Variants in KHDC1 observed in about 807,000 individuals in gnomAD.
KHDC1 encodes the protein KH homology domain-containing protein 1.
In KHDC1, 21 loss-of-function variants were observed where a neutral mutation model predicts 24.7. That is an observed-to-expected ratio of 0.85 (90% CI 0.60 to 1.23). KHDC1 has a LOEUF of 1.23. Ranked by LOEUF, KHDC1 falls within the 50% of genes most tolerant of loss-of-function variation. The probability of loss-of-function intolerance (pLI) is 0.00; values close to 1 mark genes in which losing one functional copy is unlikely to be tolerated. For missense variants in KHDC1, 274 were observed against 298.5 expected, an observed-to-expected ratio of 0.92 and a Z score of 0.61; for synonymous variants, 98 against 111.7, an observed-to-expected ratio of 0.88 and a Z score of 0.77.
intron 2 of KHDC1, chr6:73,268,345 G>A (rs150846743): frequency 0.015 from 2,345 of 154,332 alleles, 24 homozygotes; most frequent in East Asian, 0.055. Context: ...AGACTTTCGC[G>A]GTGAGTGTTA....
chr6:73,302,237 C>A (rs564715816), intron 1 of KHDC1, among the ~76,000 whole-genome samples: 1 of 152,004 alleles, frequency 6.6e-6, no homozygotes, highest in Non-Finnish European at 1.5e-5. Flanking sequence ...TGTGGTGAGC[C>A]GAGATCGTGC....
chr6:73,286,968 G>A (rs555626035), intron 2 of KHDC1, among the ~76,000 whole-genome samples: 2 of 152,132 alleles, frequency 1.3e-5, no homozygotes, highest in East Asian at 3.9e-4. Context: ...CTACTACCAG[G>A]ATGGCTCCCA....
Position 73,251,900 on chromosome 6 carries a change from C to A in KHDC1, c.207-9370G>T, listed in dbSNP as rs1022653206. ...GCACCCTCAGCCTCCCGGGCTCATT[C>A]GATCCTCCCATTTCAGCCTCCTGAG... is the stretch of plus-strand genomic sequence containing the variant. On this transcript the variant is annotated intron_variant, in intron 2 of 4. Transcript: ENST00000370384. 4.6e-5 allele frequency among the ~76,000 whole-genome samples: 7 copies of A among 151,400 alleles called. No homozygotes were observed. The South Asian group carries it at 1.3e-3, about 27-fold the overall frequency.
In KHDC1 at chr6:73,242,444, A is replaced by C. The variant is rs766512521; in HGVS notation, c.293T>G (p.Val98Gly). ...CTCCTGGTCCTCTTCCATGTGAAAC[A>C]CCATTGGTGCATGAAAGTTTTGAGG... The change falls in exon 3 of 5, where the codon GTG becomes GGG. Residue 98 changes from valine to glycine, a missense_variant. Val to Gly is a moderately radical substitution (Grantham distance 109). Transcript: ENST00000370384. 6 of 1,614,172 alleles carry C rather than the reference A, an allele frequency of 3.7e-6. No homozygotes were observed. The South Asian group carries it at 6.6e-5, about 18-fold the overall frequency.
intron 2 of KHDC1, among the ~76,000 whole-genome samples, chr6:73,284,173 T>A (rs1767473208): frequency 6.6e-6 from 1 of 152,162 alleles, no homozygotes; most frequent in Non-Finnish European, 1.5e-5. Flanking sequence ...AATATTAGGA[T>A]TATGAGAGGG....
chr6:73,282,275 G>C (rs922595925), intron 2 of KHDC1, among the ~76,000 whole-genome samples: 2 of 150,482 alleles, frequency 1.3e-5, no homozygotes, highest in Non-Finnish European at 3.0e-5. Flanking sequence ...CTCATGATTA[G>C]ACTGGGATTA....
chr6:73,300,502 G>A (rs1195296828), intron 1 of KHDC1: 2 of 151,984 alleles, frequency 1.3e-5, no homozygotes, highest in Non-Finnish European at 2.9e-5. Flanking sequence ...TAATTAATTA[G>A]CAGACATTAT....
intron 2 of KHDC1, among the ~76,000 whole-genome samples, chr6:73,272,856 CTTTTTCTTTT>C (rs1254982957): frequency 1.5e-5 from 2 of 135,276 alleles, no homozygotes; most frequent in Non-Finnish European, 3.1e-5. Context: ...CTTTTCTTTT[CTTTTTCTTTT>C]TTTTTTTTTG....
At chr6:73,276,452 A>C (rs1044060325) in intron 2 of KHDC1, 1 of 151,928 alleles carries the variant, frequency 6.6e-6, no homozygotes. Context: ...ATGCCACTTC[A>C]CTCCAACCTG....
intron 2 of KHDC1, among the ~76,000 whole-genome samples, chr6:73,252,869 G>A (rs1380088624): frequency 6.6e-6 from 1 of 151,694 alleles, no homozygotes; most frequent in East Asian, 1.9e-4. Context: ...AGGGGTCAGA[G>A]GCAATACATA....
intron 2 of KHDC1, 92 bp from the exon 1 acceptor site, chr6:73,263,288 A>T (rs910849228): frequency 1.0e-6 from 1 of 985,488 alleles, no homozygotes. Flanking sequence ...CAGCCTGCGG[A>T]GCCCACTGCC....
rs142286932 is a variant in KHDC1 at position 73,292,907 on chromosome 6, G to A, written c.164-867C>T. ...AGAATGTGAATCAGTGCTTGTGAAC[G>A]ACTTCTTGGTGGCTTGTCTTAAGGA... On this transcript the variant is annotated intron_variant, in intron 1 of 4. Coordinates refer to ENST00000370384, the Ensembl canonical transcript of KHDC1. The A allele has an allele frequency of 1.9e-4, 155 of 803,828 alleles. 1 individual carries two copies. The East Asian group carries it at 4.5e-3, about 23-fold the overall frequency. 49.8% of individuals were successfully genotyped at this position (803,828 alleles called of 1,614,324 possible).
intron 1 of KHDC1, among the ~76,000 whole-genome samples, chr6:73,296,792 G>A (rs1034384011): frequency 2.8e-4 from 42 of 152,094 alleles, no homozygotes; most frequent in Non-Finnish European, 5.7e-4. Context: ...ATTTTGAATA[G>A]GTAGTATGCA....
chr6:73,280,713 T>A lies in KHDC1; in HGVS notation c.206+11285A>T, dbSNP rs1469418347. The stretch of plus-strand genomic sequence containing the variant: ...TTTTGTATTTTTAGTAGCGATGGGG[T>A]TTCTCCATATTGGTCAGGCTGGTCT... On this transcript the variant is annotated intron_variant, in intron 2 of 4. Transcript: ENST00000370384. Among the ~76,000 whole-genome samples, 9 of 150,782 alleles carry A rather than the reference T, an allele frequency of 6.0e-5. No homozygotes were observed. In the South Asian group the frequency reaches 1.7e-3, roughly 28 times the overall value.
chr6:73,242,764 C>T (rs1331516098), intron 2 of KHDC1, among the ~76,000 whole-genome samples: 2 of 152,128 alleles, frequency 1.3e-5, no homozygotes, highest in African/African-American at 4.8e-5. Context: ...GCTTGCCTTT[C>T]TGATGCCCCG....
At chr6:73,259,973 C>T (rs1269174287) in intron 2 of KHDC1, among the ~76,000 whole-genome samples, 2 of 152,108 alleles carry the variant, frequency 1.3e-5, no homozygotes, top group Non-Finnish European at 2.9e-5. Context: ...GGGTAGGGCA[C>T]AATCTTTGGA....
chr6:73,287,519 C>A (rs569789195), intron 2 of KHDC1, among the ~76,000 whole-genome samples: 1 of 152,320 alleles, frequency 6.6e-6, no homozygotes, highest in African/African-American at 2.4e-5. Flanking sequence ...AGTTTCCAGA[C>A]ATACGCCAGT....
chr6:73,285,846 G>C (rs182519094), intron 2 of KHDC1, among the ~76,000 whole-genome samples: 98 of 152,148 alleles, frequency 6.4e-4, no homozygotes, highest in Non-Finnish European at 5.9e-4. Context: ...ATTTTGGTCA[G>C]TTCCTAGTTC....
intron 2 of KHDC1, among the ~76,000 whole-genome samples, chr6:73,281,200 G>A (rs898236177): frequency 5.9e-5 from 9 of 152,098 alleles, no homozygotes; most frequent in South Asian, 2.1e-4. Context: ...TTAGCCAGGC[G>A]TGGTGGCACA....
Sources: gnomAD v4.1 joint callset for allele counts (sites outside exome capture counted in the v4.1 genomes callset) on GRCh38, gnomAD v4.1.1 for gene constraint, MANE v1.5 for transcripts, NCBI Gene and HGNC (gene_info 2026-07-23, HGNC 2026-07-21) for gene names.